The following BAP1 variants were observed in gnomAD, a reference collection of about 807,000 sequenced individuals.
BAP1 encodes BRCA1 associated deubiquitinase 1.
BAP1 carries 16 observed loss-of-function variants against 77.2 expected under a neutral mutation model. The observed-to-expected ratio is 0.21, with a 90% CI of 0.14 to 0.31. The LOEUF (loss-of-function observed/expected upper bound fraction) is 0.31. Among genes scored for constraint, BAP1 ranks in the 10% least tolerant of loss-of-function variants. The pLI is 1.00. For missense variants in BAP1, 699 were observed against 967.3 expected (o/e 0.72, Z 3.68); for synonymous variants, 362 against 385.2 (o/e 0.94, Z 0.71).
chr3:52,406,964 C>T lies in BAP1; in HGVS notation c.581-57G>A, dbSNP rs2153227698. The T allele has an allele frequency of 6.5e-7, 1 of 1,538,326 alleles. No individual in the cohort carries two copies. The highest frequency in any genetic ancestry group is 8.8e-7 in the Non-Finnish European group (1 of 1,133,486). On this transcript the variant is annotated intron_variant, in intron 7 of 16. Coordinates refer to ENST00000460680, the MANE Select transcript of BAP1 (RefSeq NM_004656.4). The surrounding 1 kb of genome is among the most constrained non-coding windows in gnomAD (Gnocchi z 4.6). ...AAGGAAACCCTGAGTTTGGGCAGGC[C>T]AGGAGTGGGAAGGAAGACAGAGAAG...
Position 52,405,782 on chromosome 3 carries a change from G to A in BAP1, c.914C>T (p.Ser305Phe), listed in dbSNP as rs1462186340. ...VLEANRAPAA[S>F]EGNHTDGAEE... is the part of the protein sequence containing the mutation. Reference sequence around the variant, plus strand: ...CCCAGTACCTGTGTGGTTGCCCTCAGAGGCTGCAGGGGCCCTGTTTGCTTC... The same window carrying A: ...CCCAGTACCTGTGTGGTTGCCCTCAAAGGCTGCAGGGGCCCTGTTTGCTTC... Residue 305 changes from serine (S) to phenylalanine (F), a missense_variant, in exon 10 of 17, where the codon TCT becomes TTT. Coordinates refer to ENST00000460680, the MANE Select transcript of BAP1 (RefSeq NM_004656.4). The A allele has an allele frequency of 6.2e-7, 1 of 1,613,362 alleles. No individual in the cohort carries two copies. Among genetic ancestry groups the A allele is most frequent in the African/African-American group, 1.3e-5 (1 of 74,918 alleles).
intron 12 of BAP1, 105 bp downstream of exon 12, chr3:52,404,348 G>A (rs1705076494): frequency 6.3e-7 from 1 of 1,588,418 alleles, no homozygotes; most frequent in Non-Finnish European, 8.6e-7. Context: ...AACTCCGCAG[G>A]TGCTCAACAT....
Position 52,406,850 on chromosome 3 carries a change from C to A in BAP1, c.638G>T (p.Arg213Leu). 1 of 1,560,782 alleles carries A rather than the reference C, an allele frequency of 6.4e-7. No homozygotes were observed. The highest frequency in any genetic ancestry group is 1.9e-5 in the Admixed American group (1 of 52,420). ...TDKARRVIME[R>L]IGLATAGEPY... ...TTACCCTGCAGTGGCGAGGCCGATA[C>A]GCTCCATGATGACCCGCCGGGCCTT... Residue 213 changes from arginine (R) to leucine (L), a missense_variant, in exon 8 of 17, where the codon CGT becomes CTT. This residue lies in a region of BAP1 where 160 missense variants were observed against 322.8 expected (regional missense o/e 0.50). Transcript: ENST00000460680. This position sits in a 1 kb window ranked among gnomAD's most constrained non-coding sequence, Gnocchi z 4.6.
intron 3 of BAP1, among the ~76,000 whole-genome samples, chr3:52,409,277 G>A (rs1055906673): frequency 2.0e-5 from 3 of 152,198 alleles, no homozygotes; most frequent in African/African-American, 4.8e-5. Context: ...TTGTGTGACC[G>A]GGGTCTTCCC....
chr3:52,404,040 G>T, intron 12 of BAP1, 146 bp from the exon 13 acceptor site: 1 of 797,810 alleles, frequency 1.3e-6, no homozygotes, highest in Non-Finnish European at 2.0e-6. Flanking sequence ...AACTAGCCAT[G>T]CTAAGCCTGG....
chr3:52,402,586 C>A lies in BAP1; in HGVS notation c.2056+16G>T, dbSNP rs764582365. Reference sequence around the variant, plus strand: ...CAGCAGGGCATTCCAGTTAAGACAGCAGCGCATCCCCTCACCTTCCTGAGC... The same window carrying A: ...CAGCAGGGCATTCCAGTTAAGACAGAAGCGCATCCCCTCACCTTCCTGAGC... On this transcript the variant is annotated intron_variant, in intron 16 of 16. Coordinates refer to ENST00000460680, the MANE Select transcript of BAP1 (RefSeq NM_004656.4). This position sits in a 1 kb window ranked among gnomAD's most constrained non-coding sequence, Gnocchi z 5.3. 9 of 1,614,012 alleles carry A rather than the reference C, an allele frequency of 5.6e-6. No homozygotes were observed. Among genetic ancestry groups the A allele is most frequent in the Non-Finnish European group, 7.6e-6 (9 of 1,179,916 alleles).
intron 11 of BAP1, 90 bp downstream of exon 11, chr3:52,405,020 T>C: frequency 1.9e-6 from 3 of 1,562,346 alleles, no homozygotes; most frequent in Non-Finnish European, 2.6e-6. Flanking sequence ...ATGCCAAGGA[T>C]GAACACCAAG....
intron 5 of BAP1, among the ~76,000 whole-genome samples, chr3:52,407,711 G>A (rs182826507): frequency 1.3e-5 from 2 of 152,226 alleles, no homozygotes; most frequent in Non-Finnish European, 2.9e-5. Flanking sequence ...TCCTGACAGA[G>A]AAGGTTCTGA....
In BAP1 at chr3:52,402,485, A is replaced by T. The variant is rs987941561; in HGVS notation, c.2057-64T>A. On this transcript the variant is annotated intron_variant, in intron 16 of 16. Transcript: ENST00000460680. This position sits in a 1 kb window ranked among gnomAD's most constrained non-coding sequence, Gnocchi z 5.3. ...CCTCAGGCCAGGAGCTGAGGCTCTC[A>T]TGGCCCTCCCTGTGCCCCAAGGTCT... 6 of 1,594,766 alleles carry T rather than the reference A, an allele frequency of 3.8e-6. No homozygotes were observed. In the African/African-American group the frequency reaches 8.1e-5, roughly 21 times the overall value.
In BAP1 at chr3:52,406,866, G is replaced by A. The variant is rs1705177686; in HGVS notation, c.622C>T (p.Arg208Trp). The change falls in exon 8 of 17, where the codon CGG becomes TGG. Residue 208 changes from arginine to tryptophan, a missense_variant. Around this residue, in one of 3 missense-constraint regions of BAP1, gnomAD observed 160 missense variants for 322.8 expected, o/e 0.50. Transcript: ENST00000460680. This position sits in a 1 kb window ranked among gnomAD's most constrained non-coding sequence, Gnocchi z 4.6. ...EDEEWTDKAR[R>W]VIMERIGLAT... ...AGGCCGATACGCTCCATGATGACCC[G>A]CCGGGCCTTGTCTGTCCACTCCTCG... The A allele has an allele frequency of 1.3e-6, 2 of 1,567,186 alleles. No homozygotes were observed. The highest frequency in any genetic ancestry group is 2.4e-5 in the East Asian group (1 of 42,214).
Position 52,403,208 on chromosome 3 carries a change from G to T in BAP1, c.1820C>A (p.Thr607Lys). The T allele has an allele frequency of 1.2e-6, 2 of 1,614,134 alleles. No homozygotes were observed. Among genetic ancestry groups the T allele is most frequent in the Non-Finnish European group, 1.7e-6 (2 of 1,180,038 alleles). ...CATCCCCGTCTTCTCTCTGCTGTCC[G>T]TGGCTTCCACGACCTCCTTCTCCAC... ...SPVEKEVVEATDSREKTGMVR... is the reference protein window; with the variant it reads ...SPVEKEVVEAKDSREKTGMVR... Residue 607 changes from threonine (T) to lysine (K), a missense_variant, in exon 14 of 17, where the codon ACG (threonine) becomes AAG (lysine). Physicochemically the swap from Thr to Lys is moderately conservative, Grantham distance 78 (BLOSUM62 -1). This residue lies in a region of BAP1 where 475 missense variants were observed against 532.4 expected (regional missense o/e 0.89). Coordinates refer to ENST00000460680, the MANE Select transcript of BAP1 (RefSeq NM_004656.4). The surrounding 1 kb of genome is among the most constrained non-coding windows in gnomAD (Gnocchi z 4.0).
intron 3 of BAP1, 138 bp downstream of exon 3, chr3:52,409,416 C>CAAA: frequency 8.3e-7 from 1 of 1,202,210 alleles, no homozygotes; most frequent in Non-Finnish European, 1.2e-6. Context: ...AGCGGGCACT[C>CAAA]AGAGAGCAAG....
intron 10 of BAP1, 171 bp from the exon 11 acceptor site, chr3:52,405,465 A>AATG (rs1705120926): frequency 2.7e-5 from 13 of 481,618 alleles, no homozygotes; most frequent in South Asian, 2.7e-4. Context: ...CAGGGCAAAG[A>AATG]ATGAGATGGG....
chr3:52,409,909 T>C lies in BAP1; in HGVS notation c.-31A>G, dbSNP rs2153228701. The C allele has an allele frequency of 6.2e-7, 1 of 1,601,592 alleles. No homozygotes were observed. The highest frequency in any genetic ancestry group is 8.5e-7 in the Non-Finnish European group (1 of 1,179,482). ...CGCGGGGCGGCCCCTCAGCGCCATGTCCAGGCCCTCCCTCCCCACCGCTGC... is the reference window on the plus strand; with the variant it reads ...CGCGGGGCGGCCCCTCAGCGCCATGCCCAGGCCCTCCCTCCCCACCGCTGC... On this transcript the variant is annotated 5_prime_UTR_variant, in exon 1 of 17. Coordinates refer to ENST00000460680, the MANE Select transcript of BAP1 (RefSeq NM_004656.4).
At position 52,406,258 on chromosome 3, in the gene BAP1, G is replaced by T. The variant is rs864622592; in HGVS notation, c.778C>A (p.Gln260Lys). 6.2e-7 allele frequency: 1 copy of T among 1,614,180 alleles called. No homozygotes were observed. Among genetic ancestry groups the T allele is most frequent in the East Asian group, 2.2e-5 (1 of 44,892 alleles). The part of the protein sequence containing the change: ...VNRQTVLEAL[Q>K]QLIRVTQPEL... ...CAGGAAGAAAGGGCACCTACCTGCT[G>T]CAGAGCCTCTAGTACTGTCTGACGG... The change falls in exon 9 of 17, where the codon CAG (glutamine) becomes AAG (lysine). Residue 260 changes from glutamine (Q) to lysine (K), a missense_variant. Physicochemically the swap from Gln to Lys is moderately conservative, Grantham distance 53. Coordinates refer to ENST00000460680, the MANE Select transcript of BAP1 (RefSeq NM_004656.4). The surrounding 1 kb of genome is among the most constrained non-coding windows in gnomAD (Gnocchi z 4.6).
At position 52,401,073 on chromosome 3, in the gene BAP1, G is replaced by A. The variant is rs1704937296; in HGVS notation, c.*1215C>T. 2 of 232,450 alleles carry A rather than the reference G, an allele frequency of 8.6e-6. No homozygotes were observed. Among genetic ancestry groups the A allele is most frequent in the Non-Finnish European group, 1.7e-5 (2 of 117,670 alleles). 14.4% of individuals were successfully genotyped at this position (232,450 alleles called of 1,614,324 possible). On this transcript the variant is annotated 3_prime_UTR_variant, in exon 17 of 17. Coordinates refer to ENST00000460680, the MANE Select transcript of BAP1 (RefSeq NM_004656.4). ...ATCCAGTATTTACAGGGGCTAGAGGGGTCAAGCTGTGCTCAGCCCAGAGGC... is the reference window on the plus strand; with the variant it reads ...ATCCAGTATTTACAGGGGCTAGAGGAGTCAAGCTGTGCTCAGCCCAGAGGC...
intron 9 of BAP1, 87 bp from the exon 10 acceptor site, chr3:52,405,999 A>G (rs2153227349): frequency 6.3e-7 from 1 of 1,585,840 alleles, no homozygotes; most frequent in Non-Finnish European, 8.6e-7. Context: ...CTAAAGGAAT[A>G]ATGGCCTTGG....
At position 52,406,475 on chromosome 3, in the gene BAP1, A is replaced by G. The variant is rs2153227562; in HGVS notation, c.660-99T>C. On this transcript the variant is annotated intron_variant, in intron 8 of 16. Transcript: ENST00000460680. This position sits in a 1 kb window ranked among gnomAD's most constrained non-coding sequence, Gnocchi z 4.6. ...CAGGGCTCCCTGCAGTCACACCTGC[A>G]GCTGTAGGTATAGGCCCCACCCCAA... is the stretch of plus-strand genomic sequence containing the variant. 1 of 1,568,954 alleles carries G rather than the reference A, an allele frequency of 6.4e-7. No individual in the cohort carries two copies. The highest frequency in any genetic ancestry group is 8.6e-7 in the Non-Finnish European group (1 of 1,159,848).
Position 52,406,355 on chromosome 3 carries a change from G to T in BAP1, c.681C>A (p.Arg227=). ...ATAGEPYHDI[R]FNLMAVVPDR... is the part of the protein sequence containing the mutation. ...CGGGCACCACTGCCATCAGGTTGAA[G>T]CGGATGTCGTGGTAGGGCTCCCTGC... The change falls in exon 9 of 17, where the codon CGC becomes CGA. Residue 227 remains arginine (R), a synonymous_variant. Transcript: ENST00000460680. This position sits in a 1 kb window ranked among gnomAD's most constrained non-coding sequence, Gnocchi z 4.6. 6.2e-7 allele frequency: 1 copy of T among 1,614,044 alleles called. No individual in the cohort carries two copies. Among genetic ancestry groups the T allele is most frequent in the Non-Finnish European group, 8.5e-7 (1 of 1,180,040 alleles).
Sources: allele counts gnomAD v4.1 joint callset (sites outside exome capture counted in the v4.1 genomes callset), GRCh38; gene constraint gnomAD v4.1.1; regional missense constraint gnomAD v4.1.1; non-coding constraint Gnocchi (gnomAD v3.1); transcripts MANE v1.5; gene names NCBI Gene and HGNC (gene_info 2026-07-23, HGNC 2026-07-21).